Variants in LETMD1 observed in about 807,000 individuals in gnomAD.
LETMD1 encodes the protein LETM1 domain containing 1.
LETMD1 carries 30 observed loss-of-function variants against 43.9 expected under a neutral mutation model. The observed-to-expected ratio is 0.68, with a 90% CI of 0.51 to 0.93. LETMD1 has a LOEUF of 0.93. Among genes scored for constraint, LETMD1 ranks in the 40% least tolerant of loss-of-function variants. The probability of loss-of-function intolerance (pLI) is 0.00; values close to 1 mark genes in which losing one functional copy is unlikely to be tolerated. For synonymous variants in LETMD1, 176 were observed against 163.1 expected (o/e 1.08, Z -0.60); for missense variants, 413 against 447.7 (o/e 0.92, Z 0.70).
At chr12:51,066,453 C>CA in the LETMD1 span, among the ~76,000 whole-genome samples, 26,807 of 77,798 alleles carry the variant, frequency 0.34, 4,602 homozygotes, top group Non-Finnish European at 0.47. Context: ...GACTCCGTCT[C>CA]AAAAAAAAAA....
At position 51,056,443 on chromosome 12, in the gene LETMD1, C is replaced by T. The variant is rs1292112414; in HGVS notation, c.856C>T (p.Leu286=). ...LKTHTTVIHQ[L]DKALAKLGIG... ...GACTCATACAACTGTGATTCACCAA[C>T]TGGACAAGGCTTTGGCAAAGCTGGG... Residue 286 remains leucine (L), a synonymous_variant, in exon 7 of 9, where the codon CTG becomes TTG. Transcript: ENST00000262055. The T allele has an allele frequency of 1.2e-6, 2 of 1,614,074 alleles. No homozygotes were observed. Among genetic ancestry groups the T allele is most frequent in the East Asian group, 4.5e-5 (2 of 44,900 alleles).
At chr12:51,048,806 G>A (rs796964760) in intron 1 of LETMD1, 32 of 592,320 alleles carry the variant, frequency 5.4e-5, no homozygotes, top group African/African-American at 4.6e-4. Flanking sequence ...CAGGCATTGC[G>A]CTCTCTCCAG....
chr12:51,056,491 G>A lies in LETMD1; in HGVS notation c.904G>A (p.Glu302Lys). The change falls in exon 7 of 9, where the codon GAA becomes AAA. Residue 302 changes from glutamate to lysine, a missense_variant. By Grantham distance (56) the Glu-to-Lys change is moderately conservative (BLOSUM62 1). Coordinates refer to ENST00000262055, the MANE Select transcript of LETMD1 (RefSeq NM_015416.5). Reference protein sequence around the residue: ...KLGIGQLTAQEVKSACYLRGL... With the variant: ...KLGIGQLTAQKVKSACYLRGL... ...GGGGATTGGCCAGCTGACTGCTCAG[G>A]AAGTAAAATCGGTAAGAGCTTGATT... is the stretch of plus-strand genomic sequence containing the variant. 6.2e-7 allele frequency: 1 copy of A among 1,614,138 alleles called. No individual in the cohort carries two copies. The highest frequency in any genetic ancestry group is 1.3e-5 in the African/African-American group (1 of 75,044).
downstream of LETMD1, chr12:51,064,097 G>T: frequency 6.2e-7 from 1 of 1,614,188 alleles, no homozygotes; most frequent in Non-Finnish European, 8.5e-7. Flanking sequence ...TCACTCCCAA[G>T]ACTGGCCTCT....
At chr12:51,061,368 T>C (rs2136810173), downstream of LETMD1, 1 of 152,576 alleles carries the variant, frequency 6.6e-6, no homozygotes, top group African/African-American at 2.4e-5. Flanking sequence ...AGAAAGGAAA[T>C]TGGAAAATAA....
intron 3 of LETMD1, among the ~76,000 whole-genome samples, chr12:51,053,121 A>C (rs1483614637): frequency 1.3e-5 from 2 of 152,186 alleles, no homozygotes; most frequent in East Asian, 3.9e-4. Flanking sequence ...TCAAAAAAAA[A>C]AAAGTCTGCA....
At chr12:51,059,163 G>A in intron 8 of LETMD1, 198 bp from the exon 9 acceptor site, 1 of 564,194 alleles carries the variant, frequency 1.8e-6, no homozygotes, top group Non-Finnish European at 3.2e-6. Flanking sequence ...TAGAGGATGA[G>A]TTGATACGAA....
In LETMD1 at chr12:51,053,863, G is replaced by C. The variant is rs778515230; in HGVS notation, c.473+3G>C. On this transcript the variant is annotated splice_donor_region_variant and intron_variant, in intron 4 of 8. Transcript: ENST00000262055. ...AACTACCTGGTCTTCTTGCTAATGT[G>C]AGTACAGACTTCCATCTCCCCAACA... The C allele has an allele frequency of 1.3e-6, 2 of 1,586,890 alleles. No homozygotes were observed. Among genetic ancestry groups the C allele is most frequent in the Non-Finnish European group, 1.7e-6 (2 of 1,157,650 alleles).
intron 2 of LETMD1, among the ~76,000 whole-genome samples, chr12:51,050,349 A>G (rs890197756): frequency 6.6e-6 from 1 of 151,518 alleles, no homozygotes; most frequent in South Asian, 2.1e-4. Flanking sequence ...TAGCCTCCCA[A>G]GTAGCTGGGA....
chr12:51,052,305 T>A lies in LETMD1; in HGVS notation c.390+98T>A, dbSNP rs976187218. On this transcript the variant is annotated intron_variant, in intron 3 of 8. Transcript: ENST00000262055. ...TCTTTCATTTGTTGTTCACCATTGA[T>A]CAAGCTTTTGCCCTTTGCCGTGAGA... 6.3e-6 allele frequency: 9 copies of A among 1,437,382 alleles called. No homozygotes were observed. In the East Asian group the frequency reaches 2.2e-4, roughly 35 times the overall value. 89.0% of individuals were successfully genotyped at this position (1,437,382 alleles called of 1,614,324 possible). A position where few individuals can be genotyped will look rare whatever the true frequency, so the allele number is the denominator to read the frequency against.
chr12:51,062,852 TA>T, downstream of LETMD1: 1 of 152,508 alleles, frequency 6.6e-6, no homozygotes, highest in Non-Finnish European at 1.5e-5. Flanking sequence ...TCTTTCCAGA[TA>T]GCAAGCAGCC....
chr12:51,063,633 C>T (rs1937795004), downstream of LETMD1: 1 of 847,218 alleles, frequency 1.2e-6, no homozygotes, highest in Admixed American at 3.0e-5. Context: ...CCAAAGACCC[C>T]AATAAAATAA....
chr12:51,064,534 G>A (rs372251060), downstream of LETMD1: 29 of 1,613,386 alleles, frequency 1.8e-5, no homozygotes, highest in African/African-American at 1.9e-4. Context: ...CTCACCTGCC[G>A]CTTGCTCTCC....
chr12:51,061,967 TAA>T (rs1324877730), downstream of LETMD1: 3 of 152,174 alleles, frequency 2.0e-5, no homozygotes, highest in African/African-American at 7.2e-5. Flanking sequence ...CTCAGGTACT[TAA>T]AAGACTCTCA....
At chr12:51,066,078 G>A in the LETMD1 span, among the ~76,000 whole-genome samples, 13 of 152,240 alleles carry the variant, frequency 8.5e-5, no homozygotes, top group East Asian at 1.4e-3. Flanking sequence ...CCAGTACTTC[G>A]GGAGGCTGAG....
Position 51,055,927 on chromosome 12 carries a change from A to C in LETMD1, c.566A>C (p.Gln189Pro), listed in dbSNP as rs767856933. ...FLDIYHAFRKQSHPEIISYLE... is the reference protein window; with the variant it reads ...FLDIYHAFRKPSHPEIISYLE... ...GATATCTATCATGCTTTCCGGAAGCAGTCCCACCCAGAAATTATTAGTTAT... is the reference window on the plus strand; with the variant it reads ...GATATCTATCATGCTTTCCGGAAGCCGTCCCACCCAGAAATTATTAGTTAT... The change falls in exon 5 of 9, where the codon CAG becomes CCG. Residue 189 changes from glutamine (Q) to proline (P), a missense_variant. Physicochemically the swap from Gln to Pro is moderately conservative, Grantham distance 76. Transcript: ENST00000262055. 4 of 1,613,762 alleles carry C rather than the reference A, an allele frequency of 2.5e-6. No individual in the cohort carries two copies. In the East Asian group the frequency reaches 6.7e-5, roughly 27 times the overall value.
chr12:51,055,781 C>G (rs1353789655), intron 4 of LETMD1, 54 bp from the exon 5 acceptor site: 19 of 1,323,982 alleles, frequency 1.4e-5, no homozygotes, highest in Non-Finnish European at 2.0e-5. Context: ...TCTTTGGCTT[C>G]CTCTGAAAGA....
downstream of LETMD1, chr12:51,064,001 G>A (rs140038177): frequency 3.2e-4 from 523 of 1,614,140 alleles, 1 homozygote; most frequent in Admixed American, 2.6e-3. Flanking sequence ...TACAAGCCAC[G>A]AGTGAGGTAA....
chr12:51,067,761 C>T, the LETMD1 span: 3 of 1,614,076 alleles, frequency 1.9e-6, no homozygotes, highest in Admixed American at 3.3e-5. The surrounding 1 kb of genome is among the most constrained non-coding windows in gnomAD (Gnocchi z 4.1). Context: ...CCGTGACAGG[C>T]GGATGGCTCG....
Sources: allele counts gnomAD v4.1 joint callset (sites outside exome capture counted in the v4.1 genomes callset), GRCh38; gene constraint gnomAD v4.1.1; non-coding constraint Gnocchi (gnomAD v3.1); transcripts MANE v1.5; gene names NCBI Gene and HGNC (gene_info 2026-07-23, HGNC 2026-07-21).